Variants in LINGO2 observed in about 807,000 individuals in gnomAD.
LINGO2 encodes the protein leucine rich repeat and Ig domain containing 2.
Under a neutral mutation model 30.6 loss-of-function variants are expected in LINGO2, and 14 were observed. The ratio of observed to expected loss-of-function variants is 0.46; its 90% CI spans 0.30 to 0.72. LINGO2 has a LOEUF of 0.72. Ranked by LOEUF, LINGO2 falls within the 30% of genes least tolerant of loss-of-function variation. LINGO2 has a pLI of 0.07. For missense variants in LINGO2, 729 were observed against 751.7 expected, an observed-to-expected ratio of 0.97 and a Z score of 0.35; for synonymous variants, 317 against 288.5, an observed-to-expected ratio of 1.10 and a Z score of -1.00.
chr9:28,647,765 C>A (rs551460989), intron 1 of LINGO2, among the ~76,000 whole-genome samples: 2 of 152,092 alleles, frequency 1.3e-5, no homozygotes, highest in East Asian at 3.9e-4. Context: ...ATAAACTGAA[C>A]CTTCCAAAGA....
Position 28,050,826 on chromosome 9 carries a change from CAT to C in LINGO2, c.-86-38423_-86-38422del, listed in dbSNP as rs775061404. On this transcript the variant is annotated intron_variant, in intron 4 of 5. Coordinates refer to ENST00000379992, the Ensembl canonical transcript of LINGO2. ...ATAATGCATTCACATAGAGGAATAA[CAT>C]GTGTAAGTGGGGCAAATGTTCAATT... 1.2e-4 allele frequency among the ~76,000 whole-genome samples: 18 copies of C among 150,782 alleles called. 1 individual carries two copies. Among genetic ancestry groups the C allele is most frequent in the Admixed American group, 4.0e-4 (6 of 15,008 alleles).
intron 5 of LINGO2, among the ~76,000 whole-genome samples, chr9:28,009,304 C>T (rs1404888553): frequency 6.6e-6 from 1 of 150,722 alleles, no homozygotes; most frequent in African/African-American, 2.4e-5. Flanking sequence ...AATACATCTT[C>T]ATGATCCTGG....
the LINGO2 span, among the ~76,000 whole-genome samples, chr9:28,986,684 T>C: frequency 3.3e-5 from 5 of 151,958 alleles, no homozygotes; most frequent in Admixed American, 3.3e-4. Flanking sequence ...ATATCATAAG[T>C]CAAAAAGGCA....
the LINGO2 span, among the ~76,000 whole-genome samples, chr9:29,193,770 G>A: frequency 1.1e-4 from 16 of 152,106 alleles, no homozygotes; most frequent in African/African-American, 3.9e-4. Flanking sequence ...CTCTTTTAAG[G>A]AGAGCTTCTG....
chr9:28,983,657 T>C, the LINGO2 span, among the ~76,000 whole-genome samples: 4 of 151,982 alleles, frequency 2.6e-5, no homozygotes, highest in Non-Finnish European at 1.5e-5. Context: ...TATTAAATAA[T>C]GTGTTTAAGT....
chr9:29,015,254 G>T, the LINGO2 span, among the ~76,000 whole-genome samples: 1 of 152,060 alleles, frequency 6.6e-6, no homozygotes, highest in African/African-American at 2.4e-5. Context: ...CCACTACACA[G>T]TCTATGCACA....
the LINGO2 span, among the ~76,000 whole-genome samples, chr9:28,966,621 T>C: frequency 6.6e-6 from 1 of 152,150 alleles, no homozygotes; most frequent in African/African-American, 2.4e-5. Context: ...TGGTAACTTA[T>C]GTCACTTAGC....
chr9:29,018,309 G>T, the LINGO2 span, among the ~76,000 whole-genome samples: 1 of 151,576 alleles, frequency 6.6e-6, no homozygotes, highest in Non-Finnish European at 1.5e-5. Flanking sequence ...CTAGCTGGGG[G>T]AGGGAGAAAG....
chr9:28,039,842 C>T (rs1173031255), intron 4 of LINGO2, among the ~76,000 whole-genome samples: 1 of 152,112 alleles, frequency 6.6e-6, no homozygotes. Flanking sequence ...ATGAGAATTT[C>T]CATTTCTGTT....
At chr9:27,966,380 C>T (rs1040953195) in intron 5 of LINGO2, among the ~76,000 whole-genome samples, 2 of 152,142 alleles carry the variant, frequency 1.3e-5, no homozygotes, top group Admixed American at 1.3e-4. Context: ...CCACGGAATA[C>T]TATGCAGCCA....
At chr9:29,108,767 A>C in the LINGO2 span, among the ~76,000 whole-genome samples, 299 of 152,306 alleles carry the variant, frequency 2.0e-3, 1 homozygote, top group African/African-American at 6.8e-3. Flanking sequence ...AGATGCTTGA[A>C]TTCCTGTTAA....
intron 3 of LINGO2, among the ~76,000 whole-genome samples, chr9:28,303,365 G>A (rs1258032646): frequency 6.6e-6 from 1 of 152,124 alleles, no homozygotes; most frequent in Non-Finnish European, 1.5e-5. Flanking sequence ...AATGAGAGGG[G>A]CTTGGATGTG....
chr9:28,260,239 ATTTT>A (rs368518485), intron 4 of LINGO2, among the ~76,000 whole-genome samples: 1 of 141,202 alleles, frequency 7.1e-6, no homozygotes, highest in Non-Finnish European at 1.6e-5. Flanking sequence ...ATGACTTGTA[ATTTT>A]TTTTTTTTTT....
intron 2 of LINGO2, among the ~76,000 whole-genome samples, chr9:28,412,546 T>C (rs2150855): frequency 0.46 from 70,385 of 151,866 alleles, 16,719 homozygotes; most frequent in East Asian, 0.69. Context: ...CCAAATCTGA[T>C]AGAACTAGTA....
intron 4 of LINGO2, among the ~76,000 whole-genome samples, chr9:28,207,863 A>C (rs1385765569): frequency 6.6e-6 from 1 of 152,102 alleles, no homozygotes; most frequent in Non-Finnish European, 1.5e-5. Context: ...CTGAAAGAGA[A>C]AGAGGGTGTT....
At position 28,503,860 on chromosome 9, in the gene LINGO2, G is replaced by GA. The variant is rs541614503; in HGVS notation, c.-364-27836dup. Among the ~76,000 whole-genome samples, 1,172 of 150,206 alleles carry GA rather than the reference G, an allele frequency of 7.8e-3. 17 individuals carry two copies. Among genetic ancestry groups the GA allele is most frequent in the African/African-American group, 0.027 (1,093 of 41,004 alleles). On this transcript the variant is annotated intron_variant, in intron 1 of 5. Transcript: ENST00000379992. Reference sequence around the variant, plus strand: ...AAATCAGAGAAAAAAGATACGGGGGGAAAAAAAACAATAAAAATAAAAAAC... The same window carrying GA: ...AAATCAGAGAAAAAAGATACGGGGGGAAAAAAAAACAATAAAAATAAAAAAC...
At chr9:28,744,255 G>A in the LINGO2 span, among the ~76,000 whole-genome samples, 2 of 151,532 alleles carry the variant, frequency 1.3e-5, no homozygotes, top group Admixed American at 1.3e-4. Flanking sequence ...TTCCTTAATT[G>A]TTTAAGCATA....
chr9:27,984,384 G>C (rs1003274748), intron 5 of LINGO2, among the ~76,000 whole-genome samples: 1 of 151,836 alleles, frequency 6.6e-6, no homozygotes, highest in Non-Finnish European at 1.5e-5. Flanking sequence ...TAGCTCAACT[G>C]GTTGAAATCT....
chr9:28,700,375 A>G, the LINGO2 span, among the ~76,000 whole-genome samples: 3 of 151,948 alleles, frequency 2.0e-5, no homozygotes, highest in African/African-American at 7.2e-5. Context: ...AGAATCTCCT[A>G]TAGTTGGGGG....
Sources: allele counts gnomAD v4.1 joint callset (sites outside exome capture counted in the v4.1 genomes callset), GRCh38; gene constraint gnomAD v4.1.1; transcripts MANE v1.5; gene names NCBI Gene and HGNC (gene_info 2026-07-23, HGNC 2026-07-21).